Variants in SUPT3H observed in about 807,000 individuals in gnomAD.
The protein encoded by SUPT3H is SPT3 homolog, SAGA and STAGA complex component.
In SUPT3H, 44 loss-of-function variants were observed where a neutral mutation model predicts 44.3. The ratio of observed to expected loss-of-function variants is 0.99; its 90% CI spans 0.78 to 1.28. SUPT3H has a LOEUF of 1.28. Among genes scored for constraint, SUPT3H ranks in the 50% most tolerant of loss-of-function variants. SUPT3H has a pLI of 0.00. For missense variants in SUPT3H, 380 were observed against 387.1 expected (o/e 0.98, Z 0.15); for synonymous variants, 124 against 125.6 (o/e 0.99, Z 0.09).
chr6:45,128,191 G>A (rs1802729725), intron 2 of SUPT3H, among the ~76,000 whole-genome samples: 1 of 151,980 alleles, frequency 6.6e-6, no homozygotes, highest in South Asian at 2.1e-4. Context: ...TAGCTCACAA[G>A]CTAAAGTAAA....
chr6:45,158,298 ATT>A lies in SUPT3H; in HGVS notation c.102-52294_102-52293del, dbSNP rs56882164. Reference sequence around the variant, plus strand: ...TACATATATATATATATATATATATATTTTTTTTTTTTTTTTTTTGAGATGGA... The same window carrying A: ...TACATATATATATATATATATATATATTTTTTTTTTTTTTTTTGAGATGGA... On this transcript the variant is annotated intron_variant, in intron 2 of 10. Coordinates refer to ENST00000371459, the MANE Select transcript of SUPT3H (RefSeq NM_003599.4). Among the ~76,000 whole-genome samples the A allele has an allele frequency of 3.6e-3, 354 of 99,658 alleles. 4 individuals are homozygous for A. The highest frequency in any genetic ancestry group is 0.011 in the African/African-American group (222 of 19,964). 65.4% of individuals were successfully genotyped at this position (99,658 alleles called of 152,430 possible).
At chr6:45,075,748 G>C (rs1165941996) in intron 3 of SUPT3H, among the ~76,000 whole-genome samples, 1 of 152,004 alleles carries the variant, frequency 6.6e-6, no homozygotes, top group Non-Finnish European at 1.5e-5. Flanking sequence ...GCAAAGCACT[G>C]CCCAGGATGA....
At chr6:45,238,178 C>T (rs1401804395) in intron 2 of SUPT3H, among the ~76,000 whole-genome samples, 1 of 152,146 alleles carries the variant, frequency 6.6e-6, no homozygotes, top group East Asian at 1.9e-4. Flanking sequence ...GGATGATATA[C>T]TTTGTGCTGC....
intron 3 of SUPT3H, among the ~76,000 whole-genome samples, chr6:45,025,105 C>A (rs1328078671): frequency 1.3e-5 from 2 of 152,138 alleles, no homozygotes; most frequent in Non-Finnish European, 2.9e-5. Flanking sequence ...CACAGGTGTG[C>A]ACACTCACAC....
At chr6:44,818,661 A>G (rs1581813254) in intron 11 of SUPT3H, among the ~76,000 whole-genome samples, 1 of 152,200 alleles carries the variant, frequency 6.6e-6, no homozygotes, top group East Asian at 1.9e-4. Flanking sequence ...CACTTCAACA[A>G]AGAAAAAATA....
At chr6:44,815,919 T>G (rs77275066) in intron 11 of SUPT3H, among the ~76,000 whole-genome samples, 13,164 of 151,958 alleles carry the variant, frequency 0.087, 951 homozygotes, top group African/African-American at 0.2. Flanking sequence ...CTAATATTTA[T>G]AGAATACTAC....
At chr6:45,185,533 G>T (rs1814055262) in intron 2 of SUPT3H, among the ~76,000 whole-genome samples, 1 of 152,162 alleles carries the variant, frequency 6.6e-6, no homozygotes, top group South Asian at 2.1e-4. Flanking sequence ...AACCGCAACA[G>T]CCTGCCATAA....
chr6:45,308,381 C>T (rs1584838530), intron 2 of SUPT3H, among the ~76,000 whole-genome samples: 1 of 152,334 alleles, frequency 6.6e-6, no homozygotes, highest in African/African-American at 2.4e-5. Context: ...GGAAGACCAT[C>T]AGACTAACAG....
At chr6:44,813,651 T>C (rs1766700841) in intron 11 of SUPT3H, among the ~76,000 whole-genome samples, 2 of 145,960 alleles carry the variant, frequency 1.4e-5, no homozygotes, top group Non-Finnish European at 3.0e-5. Context: ...GGACTGGAAC[T>C]GGAATTTTTT....
chr6:44,981,190 G>A (rs1427190849), intron 6 of SUPT3H, among the ~76,000 whole-genome samples: 1 of 152,138 alleles, frequency 6.6e-6, no homozygotes, highest in African/African-American at 2.4e-5. Flanking sequence ...AGGATATGAG[G>A]GGTAAAGTGA....
chr6:44,949,896 C>T (rs997242287), intron 9 of SUPT3H, among the ~76,000 whole-genome samples: 1 of 152,190 alleles, frequency 6.6e-6, no homozygotes, highest in Non-Finnish European at 1.5e-5. Context: ...AAACCAAACA[C>T]ATGCCTAACT....
At chr6:45,185,111 T>TACAC (rs1276872724) in intron 2 of SUPT3H, among the ~76,000 whole-genome samples, 2 of 152,016 alleles carry the variant, frequency 1.3e-5, no homozygotes, top group African/African-American at 4.8e-5. Flanking sequence ...TGATTTTACA[T>TACAC]TCCCCTCTGT....
intron 2 of SUPT3H, among the ~76,000 whole-genome samples, chr6:45,187,097 C>A (rs1354101078): frequency 9.6e-6 from 1 of 104,338 alleles, no homozygotes; most frequent in Non-Finnish European, 1.8e-5. Flanking sequence ...TACTTTTTCG[C>A]CTTTAAAAAA....
At chr6:44,853,166 C>T (rs972801592) in intron 10 of SUPT3H, among the ~76,000 whole-genome samples, 6 of 152,090 alleles carry the variant, frequency 3.9e-5, no homozygotes, top group African/African-American at 1.4e-4. Context: ...TTATTTAGTC[C>T]TTATAACAAT....
At chr6:45,101,481 T>C (rs1798566716) in intron 3 of SUPT3H, among the ~76,000 whole-genome samples, 1 of 152,114 alleles carries the variant, frequency 6.6e-6, no homozygotes, top group South Asian at 2.1e-4. Context: ...GAATAGTAGT[T>C]ACTAGAGGTG....
chr6:45,337,461 C>T (rs1788814798), intron 2 of SUPT3H, among the ~76,000 whole-genome samples: 1 of 151,688 alleles, frequency 6.6e-6, no homozygotes, highest in Non-Finnish European at 1.5e-5. Context: ...ATACTCATTT[C>T]TAGAAGGCCA....
chr6:44,845,913 C>T (rs1771793954), intron 10 of SUPT3H, among the ~76,000 whole-genome samples: 1 of 152,214 alleles, frequency 6.6e-6, no homozygotes, highest in East Asian at 1.9e-4. Context: ...ATACAGAAAG[C>T]CCTCTGTCCT....
chr6:44,877,230 G>A (rs1777459127), intron 10 of SUPT3H, among the ~76,000 whole-genome samples: 1 of 152,172 alleles, frequency 6.6e-6, no homozygotes, highest in Non-Finnish European at 1.5e-5. Flanking sequence ...ACTTTGGGAG[G>A]CTGAAGCAGG....
chr6:45,058,319 A>G (rs1791457309), intron 3 of SUPT3H, among the ~76,000 whole-genome samples: 1 of 152,120 alleles, frequency 6.6e-6, no homozygotes, highest in South Asian at 2.1e-4. Flanking sequence ...AAGGTTTTGT[A>G]CCTTAGTTTC....
Sources: allele counts gnomAD v4.1 joint callset (sites outside exome capture counted in the v4.1 genomes callset), GRCh38; gene constraint gnomAD v4.1.1; transcripts MANE v1.5; gene names NCBI Gene and HGNC (gene_info 2026-07-23, HGNC 2026-07-21).